GTF2H3: variants seen among roughly 807,000 people sequenced by gnomAD.
GTF2H3 encodes the protein general transcription factor IIH subunit 3.
Under a neutral mutation model 51.1 loss-of-function variants are expected in GTF2H3, and 42 were observed. That is an observed-to-expected ratio of 0.82 (90% CI 0.64 to 1.06). The LOEUF (loss-of-function observed/expected upper bound fraction) is 1.06. GTF2H3 is among the 50% of genes least tolerant of loss of function. The pLI is 0.00. For missense variants in GTF2H3, 326 were observed against 366.1 expected (o/e 0.89, Z 0.89); for synonymous variants, 123 against 123.8 (o/e 0.99, Z 0.04).
intron 2 of GTF2H3, 36 bp downstream of exon 2, chr12:123,639,379 G>C (rs1360595390): frequency 1.0e-6 from 1 of 998,672 alleles, no homozygotes; most frequent in East Asian, 2.4e-5. Flanking sequence ...GAGAATTCTG[G>C]TTTAACTGAG....
rs1955336481 is a variant in GTF2H3 at position 123,639,453 on chromosome 12, G to A, written c.93+110G>A. The stretch of plus-strand genomic sequence containing the variant: ...TATAATTTACATACTGTAATATTCA[G>A]CCACTGTACAATTCAGTGATTTTTT... On this transcript the variant is annotated intron_variant, in intron 2 of 12. Transcript: ENST00000543341. 9 of 614,282 alleles carry A rather than the reference G, an allele frequency of 1.5e-5. No individual in the cohort carries two copies. In the South Asian group the frequency reaches 1.9e-4, roughly 13 times the overall value. 38.1% of individuals were successfully genotyped at this position (614,282 alleles called of 1,614,324 possible). A position where few individuals can be genotyped will look rare whatever the true frequency, so the allele number is the denominator to read the frequency against.
chr12:123,659,537 CTG>C lies in GTF2H3; in HGVS notation c.639_640del (p.Tyr214ProfsTer36), dbSNP rs1566234853. 1 of 1,614,144 alleles carries C rather than the reference CTG, an allele frequency of 6.2e-7. No individual in the cohort carries two copies. Among genetic ancestry groups the C allele is most frequent in the Admixed American group, 1.7e-5 (1 of 60,018 alleles). On this transcript the variant is annotated frameshift_variant, in exon 10 of 13. Coordinates refer to ENST00000543341, the MANE Select transcript of GTF2H3 (RefSeq NM_001516.5). LOFTEE classifies it high-confidence loss of function. The part of the protein sequence containing the change: ...LQQACDITGG[L>X]YLKVPQMPSL... Reference sequence around the variant, plus strand: ...GCAGGCTTGTGACATCACGGGAGGACTGTACCTGAAGGTGCCTCAGATGCCTT... The same window carrying C: ...GCAGGCTTGTGACATCACGGGAGGACTACCTGAAGGTGCCTCAGATGCCTT...
intron 9 of GTF2H3, chr12:123,659,236 G>T: frequency 2.7e-6 from 1 of 371,684 alleles, no homozygotes. Flanking sequence ...GCATGGTGGC[G>T]CATGCCTGTA....
rs548079003 is a variant in GTF2H3, at chr12:123,661,672, C to T, written c.*1437C>T. On this transcript the variant is annotated 3_prime_UTR_variant, in exon 13 of 13. Transcript: ENST00000543341. ...AAAAAAGATCGGGCACGTTGGCTCA[C>T]GCCTGTAATCCCAGCACTTTGGGAG... The T allele has an allele frequency of 2.5e-3, 379 of 151,296 alleles. 1 individual carries two copies. The highest frequency in any genetic ancestry group is 6.8e-3 in the Middle Eastern group (2 of 296). The allele number at this position is 151,296 out of a possible 1,614,324, so 9.4% of individuals were successfully genotyped here.
intron 1 of GTF2H3, among the ~76,000 whole-genome samples, chr12:123,634,878 TA>T (rs1249169139): frequency 6.6e-6 from 1 of 152,220 alleles, no homozygotes; most frequent in Non-Finnish European, 1.5e-5. Context: ...TTAGGTGCAA[TA>T]CAAAGACATT....
At chr12:123,646,253 G>GTATT (rs1566227738) in intron 3 of GTF2H3, among the ~76,000 whole-genome samples, 1 of 147,156 alleles carries the variant, frequency 6.8e-6, no homozygotes, top group Non-Finnish European at 1.5e-5. Flanking sequence ...GCTCTTCTAT[G>GTATT]TCTTTTTTTT....
At chr12:123,650,131 C>T (rs1955501915) in intron 4 of GTF2H3, 1 of 152,252 alleles carries the variant, frequency 6.6e-6, no homozygotes, top group Non-Finnish European at 1.5e-5. Context: ...TCTGGTCTGA[C>T]CTCACCCATG....
rs575082940 is a variant in GTF2H3 at position 123,660,974 on chromosome 12, T to G, written c.*739T>G. ...CTCTATGTTAAGTATGGTTTTCAGA[T>G]AGAATTCTTTCCTTTTTTAATGAGG... On this transcript the variant is annotated 3_prime_UTR_variant, in exon 13 of 13. Coordinates refer to ENST00000543341, the MANE Select transcript of GTF2H3 (RefSeq NM_001516.5). 1 of 152,046 alleles carries G rather than the reference T, an allele frequency of 6.6e-6. No homozygotes were observed. The highest frequency in any genetic ancestry group is 2.4e-5 in the African/African-American group (1 of 41,358). 9.4% of individuals were successfully genotyped at this position (152,046 alleles called of 1,614,324 possible). A position where few individuals can be genotyped will look rare whatever the true frequency, so the allele number is the denominator to read the frequency against.
chr12:123,649,971 C>T (rs1328756550), intron 4 of GTF2H3: 1 of 152,206 alleles, frequency 6.6e-6, no homozygotes, highest in Non-Finnish European at 1.5e-5. Flanking sequence ...GTTTCTGATT[C>T]ACTGGATCTA....
intron 4 of GTF2H3, among the ~76,000 whole-genome samples, chr12:123,650,688 T>C (rs1198077808): frequency 1.3e-5 from 2 of 152,208 alleles, no homozygotes; most frequent in African/African-American, 4.8e-5. Flanking sequence ...GCCAGAACTT[T>C]TTCATCTTTA....
intron 7 of GTF2H3, 91 bp from the exon 8 acceptor site, chr12:123,654,833 A>G: frequency 2.4e-6 from 2 of 822,800 alleles, no homozygotes; most frequent in Non-Finnish European, 4.3e-6. Flanking sequence ...AACTGGAATA[A>G]TGTTGGTTGT....
At chr12:123,649,198 C>A (rs888146499) in intron 4 of GTF2H3, 1 of 151,370 alleles carries the variant, frequency 6.6e-6, no homozygotes, top group Non-Finnish European at 1.5e-5. Flanking sequence ...CAACTCCTGA[C>A]CTCAGTTGAT....
chr12:123,648,432 T>G (rs1193036461), intron 4 of GTF2H3: 1 of 185,952 alleles, frequency 5.4e-6, no homozygotes, highest in African/African-American at 2.3e-5. Flanking sequence ...TCTTGTCTCT[T>G]AAAATATGTT....
chr12:123,637,790 G>GT (rs1376813211), intron 1 of GTF2H3, among the ~76,000 whole-genome samples: 3 of 151,962 alleles, frequency 2.0e-5, no homozygotes, highest in Admixed American at 6.6e-5. Flanking sequence ...GCCCAGCCTG[G>GT]TTTTTTTACC....
At chr12:123,641,597 A>G (rs1566225092) in intron 2 of GTF2H3, among the ~76,000 whole-genome samples, 1 of 147,364 alleles carries the variant, frequency 6.8e-6, no homozygotes, top group Non-Finnish European at 1.5e-5. Flanking sequence ...TAGCAGTGCT[A>G]GGATTACAAG....
At chr12:123,654,246 G>A (rs1310421509) in intron 7 of GTF2H3, among the ~76,000 whole-genome samples, 2 of 126,842 alleles carry the variant, frequency 1.6e-5, no homozygotes, top group African/African-American at 5.9e-5. Flanking sequence ...TGTGTATTTG[G>A]GGTGTGTATA....
At chr12:123,647,445 C>G (rs1324477410) in intron 3 of GTF2H3, among the ~76,000 whole-genome samples, 1 of 151,836 alleles carries the variant, frequency 6.6e-6, no homozygotes, top group East Asian at 1.9e-4. Context: ...GCACTCCAGC[C>G]TGGGCGACAC....
At chr12:123,658,053 TTTTTA>T (rs918026829) in intron 9 of GTF2H3, among the ~76,000 whole-genome samples, 1 of 152,112 alleles carries the variant, frequency 6.6e-6, no homozygotes, top group Non-Finnish European at 1.5e-5. Context: ...AAGAGTTTTA[TTTTTA>T]TTTTATTTTA....
chr12:123,634,168 CG>C (rs946174837), intron 1 of GTF2H3, among the ~76,000 whole-genome samples: 5 of 152,134 alleles, frequency 3.3e-5, no homozygotes, highest in Admixed American at 1.3e-4. Context: ...GGTCGCACCC[CG>C]GTGGATTAGG....
Sources: gnomAD v4.1 joint callset for allele counts (sites outside exome capture counted in the v4.1 genomes callset) on GRCh38, gnomAD v4.1.1 for gene constraint, MANE v1.5 for transcripts, NCBI Gene and HGNC (gene_info 2026-07-23, HGNC 2026-07-21) for gene names.